Variants in FAR2 observed in about 807,000 individuals in gnomAD.
FAR2 encodes the protein fatty acyl-CoA reductase 2.
FAR2 carries 19 observed loss-of-function variants against 56.0 expected under a neutral mutation model. That is an observed-to-expected ratio of 0.34 (90% confidence interval 0.24 to 0.50). The LOEUF is 0.50. Ranked by LOEUF, FAR2 falls within the 20% of genes least tolerant of loss-of-function variation. The pLI, the probability that FAR2 is intolerant of heterozygous loss-of-function variation, is 0.98. For missense variants in FAR2, 508 were observed against 642.2 expected, an observed-to-expected ratio of 0.79 and a Z score of 2.26; for synonymous variants, 219 against 218.8, an observed-to-expected ratio of 1.00 and a Z score of -0.01.
chr12:29,246,515 A>G (rs7974221), intron 1 of FAR2, among the ~76,000 whole-genome samples: 57,633 of 151,926 alleles, frequency 0.38, 11,106 homozygotes, highest in African/African-American at 0.44. Context: ...GGAAATCAAA[A>G]TTCACTTTAG....
At chr12:29,297,869 A>G (rs566535902) in intron 4 of FAR2, among the ~76,000 whole-genome samples, 13 of 151,852 alleles carry the variant, frequency 8.6e-5, no homozygotes, top group African/African-American at 1.2e-4. Context: ...TACAAAAATT[A>G]GCTGGATGTG....
chr12:29,263,772 C>A (rs914542013), intron 1 of FAR2, among the ~76,000 whole-genome samples: 2 of 151,360 alleles, frequency 1.3e-5, no homozygotes, highest in African/African-American at 4.8e-5. Flanking sequence ...AAATTCAAAA[C>A]CTGCATAGAC....
chr12:29,178,850 A>G (rs949005277), intron 1 of FAR2, among the ~76,000 whole-genome samples: 2 of 152,230 alleles, frequency 1.3e-5, no homozygotes, highest in African/African-American at 4.8e-5. Flanking sequence ...CTGCTACAGC[A>G]AGATACCACT....
intron 1 of FAR2, among the ~76,000 whole-genome samples, chr12:29,173,397 G>A (rs888739167): frequency 6.6e-6 from 1 of 152,130 alleles, no homozygotes; most frequent in Non-Finnish European, 1.5e-5. Context: ...TAAGCTGAGA[G>A]GTCGTCTAGT....
chr12:29,300,295 C>T (rs1261826386), intron 4 of FAR2, among the ~76,000 whole-genome samples: 1 of 152,080 alleles, frequency 6.6e-6, no homozygotes, highest in African/African-American at 2.4e-5. Context: ...TTGAATGAAA[C>T]CTGTATGTTA....
intron 1 of FAR2, among the ~76,000 whole-genome samples, chr12:29,214,946 A>G (rs1487060744): frequency 6.6e-6 from 1 of 152,198 alleles, no homozygotes; most frequent in Non-Finnish European, 1.5e-5. Flanking sequence ...TGAGAAAGGC[A>G]TTCTTGAGAA....
At chr12:29,178,318 G>A (rs534139726) in intron 1 of FAR2, among the ~76,000 whole-genome samples, 1 of 152,348 alleles carries the variant, frequency 6.6e-6, no homozygotes, top group South Asian at 2.1e-4. Context: ...AAAAAGGAGG[G>A]TGTGGTGGCT....
chr12:29,293,441 T>C lies in FAR2; in HGVS notation c.331T>C (p.Cys111Arg), dbSNP rs1315168249. ...LLSCTNIIFH[C>R]AATVRFDDTL... The stretch of plus-strand genomic sequence containing the variant: ...CTCCTGTACAAACATAATATTTCAC[T>C]GTGCAGCCACTGTACGCTTTGACGA... The change falls in exon 3 of 12, where the codon TGT (cysteine) becomes CGT (arginine). Residue 111 changes from cysteine to arginine, a missense_variant. Coordinates refer to ENST00000536681, the MANE Select transcript of FAR2 (RefSeq NM_001271783.2). 6.2e-7 allele frequency: 1 copy of C among 1,604,014 alleles called. No individual in the cohort carries two copies. The highest frequency in any genetic ancestry group is 2.3e-5 in the East Asian group (1 of 44,258).
intron 1 of FAR2, among the ~76,000 whole-genome samples, chr12:29,154,118 G>A (rs1341880960): frequency 6.6e-6 from 1 of 152,130 alleles, no homozygotes; most frequent in Admixed American, 6.5e-5. Flanking sequence ...TATAGCTCCT[G>A]TCTTTCTGAC....
chr12:29,258,699 GTA>G (rs1392702166), intron 1 of FAR2, among the ~76,000 whole-genome samples: 1 of 152,212 alleles, frequency 6.6e-6, no homozygotes, highest in Non-Finnish European at 1.5e-5. Context: ...ACTTGATTAT[GTA>G]TAGAGTCATC....
intron 2 of FAR2, among the ~76,000 whole-genome samples, chr12:29,290,368 C>G (rs191490183): frequency 3.3e-5 from 5 of 152,002 alleles, no homozygotes; most frequent in Admixed American, 2.0e-4. Flanking sequence ...ATCACTTGAA[C>G]TCAGAAGGTG....
chr12:29,159,141 A>T (rs1591822885), intron 1 of FAR2, among the ~76,000 whole-genome samples: 1 of 152,294 alleles, frequency 6.6e-6, no homozygotes, highest in East Asian at 1.9e-4. Flanking sequence ...CCAATGTGTA[A>T]ATATACAATG....
intron 2 of FAR2, among the ~76,000 whole-genome samples, chr12:29,272,777 GT>G (rs1479207675): frequency 7.2e-5 from 11 of 152,118 alleles, no homozygotes; most frequent in Non-Finnish European, 1.0e-4. Context: ...AGTTTGTCTA[GT>G]TTCAGTCTTT....
At chr12:29,321,378 A>G (rs1839790654) in intron 9 of FAR2, among the ~76,000 whole-genome samples, 1 of 152,144 alleles carries the variant, frequency 6.6e-6, no homozygotes, top group Admixed American at 6.5e-5. Flanking sequence ...ACAAAAAATT[A>G]GCTGGGCCCC....
At chr12:29,247,509 T>C (rs965968660) in intron 1 of FAR2, among the ~76,000 whole-genome samples, 5 of 152,234 alleles carry the variant, frequency 3.3e-5, no homozygotes, top group Non-Finnish European at 7.3e-5. Context: ...GGACTTAGTT[T>C]ATGGTGCTGA....
intron 1 of FAR2, among the ~76,000 whole-genome samples, chr12:29,236,268 C>T (rs978210824): frequency 2.6e-5 from 4 of 152,102 alleles, no homozygotes; most frequent in Non-Finnish European, 5.9e-5. Flanking sequence ...AACAGATGCG[C>T]TTTTGTTACT....
rs765510163 is a variant in FAR2 at position 29,321,924 on chromosome 12, A to G, written c.1257A>G (p.Arg419=). 6.2e-7 allele frequency: 1 copy of G among 1,611,942 alleles called. No homozygotes were observed. The highest frequency in any genetic ancestry group is 1.1e-5 in the South Asian group (1 of 90,774). ...CTGAGCTGAGTCCTGAAGACCAGAGAGTAAGTAGAGCACTGACTTAAGCAC... is the reference window on the plus strand; with the variant it reads ...CTGAGCTGAGTCCTGAAGACCAGAGGGTAAGTAGAGCACTGACTTAAGCAC... ...LMSELSPEDQ[R]VFNFDVRQLN... The change falls in exon 10 of 12, where the codon AGA becomes AGG. Residue 419 remains arginine (R), a splice_region_variant and synonymous_variant. Coordinates refer to ENST00000536681, the MANE Select transcript of FAR2 (RefSeq NM_001271783.2).
At position 29,210,226 on chromosome 12, in the gene FAR2, T is replaced by A. The variant is rs967511938; in HGVS notation, c.-38-60186T>A. 3.3e-5 allele frequency among the ~76,000 whole-genome samples: 5 copies of A among 152,096 alleles called. No homozygotes were observed. In the East Asian group the frequency reaches 9.6e-4, roughly 29 times the overall value. ...CTCTCAAAATAAATTAATTAAATAT[T>A]TATTAGTTAATTAGTTAAATTAATT... On this transcript the variant is annotated intron_variant, in intron 1 of 11. Coordinates refer to ENST00000536681, the MANE Select transcript of FAR2 (RefSeq NM_001271783.2).
At chr12:29,235,229 C>A (rs9300188) in intron 1 of FAR2, among the ~76,000 whole-genome samples, 36,019 of 152,016 alleles carry the variant, frequency 0.24, 6,577 homozygotes, top group African/African-American at 0.51. Flanking sequence ...AGCAGTGGGA[C>A]AGATGTTCAT....
Sources: gnomAD v4.1 joint callset for allele counts (sites outside exome capture counted in the v4.1 genomes callset) on GRCh38, gnomAD v4.1.1 for gene constraint, MANE v1.5 for transcripts, NCBI Gene and HGNC (gene_info 2026-07-23, HGNC 2026-07-21) for gene names.